Variants in MBOAT7 observed in about 807,000 individuals in gnomAD.
MBOAT7 encodes the protein membrane bound acylglycerophosphatidylinositol O-acyltransferase MBOAT7.
In MBOAT7, 40 loss-of-function variants were observed where a neutral mutation model predicts 47.4. The observed-to-expected ratio is 0.84, with a 90% CI of 0.66 to 1.10. The LOEUF is 1.10. Ranked by LOEUF, MBOAT7 falls within the 50% of genes least tolerant of loss-of-function variation. The pLI is 0.00. For missense variants in MBOAT7, 680 were observed against 655.6 expected (o/e 1.04, Z -0.41); for synonymous variants, 361 against 292.0 (o/e 1.24, Z -2.41).
chr19:54,181,497 A>C (rs2076269851), intron 5 of MBOAT7, among the ~76,000 whole-genome samples: 1 of 151,000 alleles, frequency 6.6e-6, no homozygotes, highest in African/African-American at 2.4e-5. Flanking sequence ...CACTACAAAA[A>C]ATAAAAATCA....
chr19:54,178,329 G>A, intron 7 of MBOAT7: 1 of 1,047,862 alleles, frequency 9.5e-7, no homozygotes, highest in South Asian at 4.0e-5. Flanking sequence ...TACCTGTCAG[G>A]CCTCACATTA....
intron 7 of MBOAT7, 41 bp downstream of exon 7, chr19:54,178,724 T>A (rs376025044): frequency 6.2e-7 from 1 of 1,602,996 alleles, no homozygotes; most frequent in Non-Finnish European, 8.5e-7. Context: ...CTGGGAGATG[T>A]AGTTCTGCAG....
chr19:54,181,016 A>G lies in MBOAT7; in HGVS notation c.611T>C (p.Leu204Pro), dbSNP rs2076252842. 6.4e-7 allele frequency: 1 copy of G among 1,556,128 alleles called. No individual in the cohort carries two copies. The highest frequency in any genetic ancestry group is 8.7e-7 in the Non-Finnish European group (1 of 1,150,538). ...RAWPAPLFGL[L>P]FLLSSHLFPL... The stretch of plus-strand genomic sequence containing the variant: ...GAAGAGGTGAGAGGAGAGCAGGAAC[A>G]GCAGGCCGAAGAGCGGGGCCGGCCA... Residue 204 changes from leucine (L) to proline (P), a missense_variant, in exon 6 of 8, where the codon CTG becomes CCG. Coordinates refer to ENST00000245615, the MANE Select transcript of MBOAT7 (RefSeq NM_024298.5).
At chr19:54,188,015 C>CAGAAAGAAAGAAAGAAAGAA (rs374807150) in intron 3 of MBOAT7, among the ~76,000 whole-genome samples, 76 of 78,330 alleles carry the variant, frequency 9.7e-4, no homozygotes, top group South Asian at 3.0e-3. Context: ...AACTCCATCT[C>CAGAAAGAAAGAAAGAAAGAA]AGAAAGAAAG....
chr19:54,188,812 C>T (rs1172560213), intron 1 of MBOAT7, among the ~76,000 whole-genome samples: 1 of 152,128 alleles, frequency 6.6e-6, no homozygotes, highest in Non-Finnish European at 1.5e-5. Flanking sequence ...CCTTTGCGAA[C>T]GCAGAAATCA....
Position 54,180,786 on chromosome 19 carries a change from G to T in MBOAT7, c.841C>A (p.Pro281Thr). 1.3e-6 allele frequency: 2 copies of T among 1,545,364 alleles called. No individual in the cohort carries two copies. The highest frequency in any genetic ancestry group is 1.2e-5 in the South Asian group (1 of 83,716). The stretch of plus-strand genomic sequence containing the variant: ...GCGCCGCCTGACCTGCTGGGGGGTG[G>T]GCATTGGAGGGTGGGGCCGCCTCCG... ...RAGGGPTLQC[P>T]PPSSPEKAAS... Residue 281 changes from proline (P) to threonine (T), a missense_variant, in exon 6 of 8, where the codon CCA (proline) becomes ACA (threonine). Coordinates refer to ENST00000245615, the MANE Select transcript of MBOAT7 (RefSeq NM_024298.5). This position sits in a 1 kb window ranked among gnomAD's most constrained non-coding sequence, Gnocchi z 5.2.
In MBOAT7 at chr19:54,179,110, G is replaced by A. The variant is rs563289981; in HGVS notation, c.855-169C>T. 3.0e-5 allele frequency: 26 copies of A among 867,662 alleles called. No individual in the cohort carries two copies. The African/African-American group carries it at 4.2e-4, about 14-fold the overall frequency. 53.7% of individuals were successfully genotyped at this position (867,662 alleles called of 1,614,324 possible). On this transcript the variant is annotated intron_variant, in intron 6 of 7. Coordinates refer to ENST00000245615, the MANE Select transcript of MBOAT7 (RefSeq NM_024298.5). ...AGCAAGGGAGGGTGGCCCAGAGGGT[G>A]CCTGTAGGGTAGGAAGGTGGGTGGG...
At position 54,187,304 on chromosome 19, in the gene MBOAT7, G is replaced by A. The variant is rs1454705738; in HGVS notation, c.207-17C>T. 1.9e-6 allele frequency: 3 copies of A among 1,600,274 alleles called. No homozygotes were observed. The highest frequency in any genetic ancestry group is 2.6e-6 in the Non-Finnish European group (3 of 1,173,572). Reference sequence around the variant, plus strand: ...TGGCAGGAGCTGGGCAAAAGCAGGAGGCGCACTGTGTTGGGCACAGAAGTC... The same window carrying A: ...TGGCAGGAGCTGGGCAAAAGCAGGAAGCGCACTGTGTTGGGCACAGAAGTC... On this transcript the variant is annotated splice_polypyrimidine_tract_variant and intron_variant, in intron 3 of 7. Transcript: ENST00000245615.
intron 5 of MBOAT7, among the ~76,000 whole-genome samples, chr19:54,182,107 T>C (rs552497503): frequency 6.6e-6 from 1 of 151,856 alleles, no homozygotes; most frequent in African/African-American, 2.4e-5. Flanking sequence ...GAGATAGCTG[T>C]GGCACTTTAG....
At chr19:54,178,606 C>T (rs2076174575) in intron 7 of MBOAT7, 159 bp downstream of exon 7, 3 of 1,431,512 alleles carry the variant, frequency 2.1e-6, no homozygotes, top group African/African-American at 2.9e-5. Context: ...CGGCATGCTG[C>T]CACTATAATT....
intron 7 of MBOAT7, among the ~76,000 whole-genome samples, chr19:54,178,103 C>T (rs2076162600): frequency 6.6e-6 from 1 of 150,900 alleles, no homozygotes; most frequent in South Asian, 2.1e-4. Flanking sequence ...GTAGAGACAG[C>T]ATGTCACCAT....
intron 7 of MBOAT7, among the ~76,000 whole-genome samples, chr19:54,175,737 G>A (rs2076088766): frequency 6.6e-6 from 1 of 151,972 alleles, no homozygotes; most frequent in Admixed American, 6.6e-5. Context: ...TTTTGTTGTT[G>A]TTGTTCAGAC....
At chr19:54,178,666 C>T (rs1049516294) in intron 7 of MBOAT7, 99 bp downstream of exon 7, 100 of 1,507,754 alleles carry the variant, frequency 6.6e-5, no homozygotes, top group Non-Finnish European at 7.7e-5. Flanking sequence ...CATGAGCCTC[C>T]GGGGGCAGGG....
At chr19:54,179,814 C>T (rs528835934) in intron 6 of MBOAT7, 1 of 152,290 alleles carries the variant, frequency 6.6e-6, no homozygotes, top group South Asian at 2.1e-4. Context: ...GGGGACAACC[C>T]TAGCAGGGAG....
intron 3 of MBOAT7, among the ~76,000 whole-genome samples, chr19:54,187,755 C>T (rs1159840974): frequency 1.3e-5 from 2 of 152,286 alleles, no homozygotes; most frequent in Non-Finnish European, 1.5e-5. Flanking sequence ...CGGTGGCTCA[C>T]GCCTGTAATC....
At chr19:54,186,667 G>A (rs1253072078) in intron 4 of MBOAT7, among the ~76,000 whole-genome samples, 1 of 152,168 alleles carries the variant, frequency 6.6e-6, no homozygotes, top group Non-Finnish European at 1.5e-5. Context: ...TAGCATGACT[G>A]CTGTGTTCAC....
chr19:54,176,117 A>G (rs1473916056), intron 7 of MBOAT7, among the ~76,000 whole-genome samples: 2 of 152,122 alleles, frequency 1.3e-5, no homozygotes, highest in African/African-American at 4.8e-5. Context: ...GGCCTCCCAA[A>G]GTGCTGGGAT....
chr19:54,183,747 T>C (rs1041335568), intron 4 of MBOAT7, 67 bp from the exon 5 acceptor site: 1 of 1,437,372 alleles, frequency 7.0e-7, no homozygotes, highest in African/African-American at 1.5e-5. Flanking sequence ...CCATCTCCCT[T>C]GCGCGGCTGC....
At chr19:54,185,569 G>GT (rs2076406849) in intron 4 of MBOAT7, among the ~76,000 whole-genome samples, 1 of 152,326 alleles carries the variant, frequency 6.6e-6, no homozygotes, top group African/African-American at 2.4e-5. Flanking sequence ...CCAACGGCCT[G>GT]TATCAAGCCA....
Sources: gnomAD v4.1 joint callset for allele counts (sites outside exome capture counted in the v4.1 genomes callset) on GRCh38, gnomAD v4.1.1 for gene constraint, Gnocchi (gnomAD v3.1) non-coding constraint, MANE v1.5 for transcripts, NCBI Gene and HGNC (gene_info 2026-07-23, HGNC 2026-07-21) for gene names.